The following HMGA2 variants were observed in gnomAD, a reference collection of about 807,000 sequenced individuals.
The protein encoded by HMGA2 is high mobility group AT-hook 2.
Under a neutral mutation model 19.1 loss-of-function variants are expected in HMGA2, and 8 were observed. That is an observed-to-expected ratio of 0.42 (90% confidence interval 0.25 to 0.76). The LOEUF is 0.76. Among genes scored for constraint, HMGA2 ranks in the 30% least tolerant of loss-of-function variants. HMGA2 has a pLI of 0.28. For missense variants in HMGA2, 109 were observed against 136.3 expected, an observed-to-expected ratio of 0.80 and a Z score of 1.00; for synonymous variants, 60 against 48.8, an observed-to-expected ratio of 1.23 and a Z score of -0.96.
chr12:65,864,570 A>G (rs565143022), intron 3 of HMGA2, among the ~76,000 whole-genome samples: 52 of 152,294 alleles, frequency 3.4e-4, no homozygotes, highest in Admixed American at 1.2e-3. Context: ...GAATGCTCAC[A>G]ATTTTTGTAA....
Position 65,963,962 on chromosome 12 carries a change from G to A in HMGA2, c.*670G>A, listed in dbSNP as rs1876830474. 2 of 209,834 alleles carry A rather than the reference G, an allele frequency of 9.5e-6. No individual in the cohort carries two copies. Among genetic ancestry groups the A allele is most frequent in the South Asian group, 3.8e-4 (2 of 5,294 alleles). The allele number at this position is 209,834 out of a possible 1,614,324, so 13.0% of individuals were successfully genotyped here. Reference sequence around the variant, plus strand: ...AGGTTATGTTCATTTTTCAAAAAGGGAAGTAAGCAAACAAATATTGCCAAC... The same window carrying A: ...AGGTTATGTTCATTTTTCAAAAAGGAAAGTAAGCAAACAAATATTGCCAAC... On this transcript the variant is annotated 3_prime_UTR_variant, in exon 5 of 5. Transcript: ENST00000403681.
At chr12:65,836,372 A>G (rs973350197) in intron 2 of HMGA2, among the ~76,000 whole-genome samples, 3 of 152,068 alleles carry the variant, frequency 2.0e-5, no homozygotes, top group East Asian at 1.9e-4. Context: ...AAGAAAAAAA[A>G]AAAAAAAGAA....
intron 3 of HMGA2, among the ~76,000 whole-genome samples, chr12:65,920,004 G>A (rs562254858): frequency 3.5e-4 from 54 of 152,342 alleles, no homozygotes; most frequent in African/African-American, 1.2e-3. Flanking sequence ...GGAAGCTGAT[G>A]TTTGGGAGAA....
intron 3 of HMGA2, among the ~76,000 whole-genome samples, chr12:65,868,205 C>T (rs1353800363): frequency 2.0e-5 from 3 of 152,176 alleles, no homozygotes; most frequent in African/African-American, 7.2e-5. Flanking sequence ...CAAGGGGAAA[C>T]TAGTGGTTAA....
At chr12:65,875,589 A>ATTTGTTTTTTTTTTTTT (rs1872961985) in intron 3 of HMGA2, among the ~76,000 whole-genome samples, 1 of 26,098 alleles carries the variant, frequency 3.8e-5, no homozygotes, top group Non-Finnish European at 8.5e-5. Context: ...GTGCCCGGCT[A>ATTTGTTTTTTTTTTTTT]TTTTTTTTTT....
At chr12:65,950,938 G>GA (rs1565741266) in intron 3 of HMGA2, among the ~76,000 whole-genome samples, 1 of 151,600 alleles carries the variant, frequency 6.6e-6, no homozygotes, top group Admixed American at 6.6e-5. Flanking sequence ...AGACATTTTT[G>GA]TTTTTTTTGA....
At chr12:65,841,964 T>C (rs1468691260) in intron 3 of HMGA2, among the ~76,000 whole-genome samples, 1 of 152,120 alleles carries the variant, frequency 6.6e-6, no homozygotes, top group African/African-American at 2.4e-5. Flanking sequence ...TAAGAACACT[T>C]CTATTGTTTA....
intron 3 of HMGA2, among the ~76,000 whole-genome samples, chr12:65,851,960 T>A (rs1299004314): frequency 2.0e-5 from 3 of 152,220 alleles, no homozygotes; most frequent in Non-Finnish European, 4.4e-5. Flanking sequence ...AATTGTCATA[T>A]CTTCTTTGTC....
At chr12:65,891,754 G>A (rs145868282) in intron 3 of HMGA2, among the ~76,000 whole-genome samples, 3 of 152,292 alleles carry the variant, frequency 2.0e-5, no homozygotes, top group Non-Finnish European at 4.4e-5. Context: ...CCTGTGCTGC[G>A]TGGCTGCAGC....
At chr12:65,937,183 C>A (rs1245971018) in intron 3 of HMGA2, among the ~76,000 whole-genome samples, 1 of 152,136 alleles carries the variant, frequency 6.6e-6, no homozygotes. Flanking sequence ...ATCAGAGATA[C>A]CTGCACATCT....
intron 3 of HMGA2, chr12:65,851,700 T>A: frequency 2.4e-6 from 1 of 413,780 alleles, no homozygotes. Flanking sequence ...TTTTAAACCC[T>A]GTGAAAATAT....
At chr12:65,845,065 T>C (rs1341846137) in intron 3 of HMGA2, among the ~76,000 whole-genome samples, 1 of 152,178 alleles carries the variant, frequency 6.6e-6, no homozygotes, top group East Asian at 1.9e-4. Context: ...CATATTTACC[T>C]ACATTCACCT....
chr12:65,916,033 C>T (rs1450204772), intron 3 of HMGA2, among the ~76,000 whole-genome samples: 2 of 152,126 alleles, frequency 1.3e-5, no homozygotes, highest in Non-Finnish European at 2.9e-5. Context: ...AGAGTCCAGT[C>T]GTTCTAAGAG....
intron 3 of HMGA2, among the ~76,000 whole-genome samples, chr12:65,893,089 C>G (rs1873981757): frequency 6.6e-6 from 1 of 152,180 alleles, no homozygotes; most frequent in Non-Finnish European, 1.5e-5. Flanking sequence ...CGGTCACAGG[C>G]TCCTATTATA....
chr12:65,868,587 A>T lies in HMGA2; in HGVS notation c.249+30018A>T, dbSNP rs537984425. ...GTTGAATATGGAGAAAATGTGAAGC[A>T]AGAGTTTCTTTTTATACATAATCAC... is the stretch of plus-strand genomic sequence containing the variant. On this transcript the variant is annotated intron_variant, in intron 3 of 4. Coordinates refer to ENST00000403681, the MANE Select transcript of HMGA2 (RefSeq NM_003483.6). Among the ~76,000 whole-genome samples the T allele has an allele frequency of 4.6e-5, 7 of 152,308 alleles. No homozygotes were observed. In the South Asian group the frequency reaches 8.3e-4, roughly 18 times the overall value.
At chr12:65,886,886 A>T (rs567561884) in intron 3 of HMGA2, among the ~76,000 whole-genome samples, 3 of 152,322 alleles carry the variant, frequency 2.0e-5, no homozygotes, top group African/African-American at 7.2e-5. Context: ...TTCAAGGCAC[A>T]GTCTATAGAA....
At chr12:65,922,869 G>T (rs1022296301) in intron 3 of HMGA2, among the ~76,000 whole-genome samples, 1 of 152,146 alleles carries the variant, frequency 6.6e-6, no homozygotes, top group Admixed American at 6.5e-5. Flanking sequence ...TATGAGATCT[G>T]ATAGGTTTTT....
intron 3 of HMGA2, among the ~76,000 whole-genome samples, chr12:65,852,017 C>A (rs192528308): frequency 1.0e-3 from 155 of 152,040 alleles, no homozygotes; most frequent in African/African-American, 3.5e-3. Context: ...GTAATTTGTA[C>A]TTTGTACAAA....
At chr12:65,872,594 C>A (rs1296947984) in intron 3 of HMGA2, among the ~76,000 whole-genome samples, 2 of 152,132 alleles carry the variant, frequency 1.3e-5, no homozygotes, top group Admixed American at 6.5e-5. Flanking sequence ...ATTTATTACT[C>A]CTAAAGGTGC....
Sources: allele counts gnomAD v4.1 joint callset (sites outside exome capture counted in the v4.1 genomes callset), GRCh38; gene constraint gnomAD v4.1.1; transcripts MANE v1.5; gene names NCBI Gene and HGNC (gene_info 2026-07-23, HGNC 2026-07-21).